The following NUP35 variants were observed in gnomAD, a reference collection of about 807,000 sequenced individuals.
NUP35 encodes nucleoporin NUP35.
In NUP35, 25 loss-of-function variants were observed where a neutral mutation model predicts 41.5. The ratio of observed to expected loss-of-function variants is 0.60; its 90% CI spans 0.44 to 0.84. NUP35 has a LOEUF of 0.84. Among genes scored for constraint, NUP35 ranks in the 40% least tolerant of loss-of-function variants. NUP35 has a pLI of 0.00. For synonymous variants in NUP35, 149 were observed against 130.7 expected (o/e 1.14, Z -0.96); for missense variants, 396 against 396.6 (o/e 1.00, Z 0.01).
chr2:183,133,638 CTTTTTTT>C lies in NUP35; in HGVS notation c.397+26_397+32del, dbSNP rs34264626. 2.2e-6 allele frequency: 3 copies of C among 1,343,506 alleles called. No individual in the cohort carries two copies. Among genetic ancestry groups the C allele is most frequent in the South Asian group, 1.4e-5 (1 of 69,598 alleles). The allele number at this position is 1,343,506 out of a possible 1,614,324, so 83.2% of individuals were successfully genotyped here. On this transcript the variant is annotated intron_variant, in intron 4 of 8. Coordinates refer to ENST00000295119, the MANE Select transcript of NUP35 (RefSeq NM_138285.5). ...TCCTGGAACAGGTAAGTGATTCTTT[CTTTTTTT>C]TTTTTTTTTTAAAAGACAGGGTCTG...
chr2:183,154,120 G>T (rs1350970375), intron 5 of NUP35, among the ~76,000 whole-genome samples: 2 of 152,162 alleles, frequency 1.3e-5, no homozygotes, highest in Admixed American at 1.3e-4. Flanking sequence ...AAGTCCCTAG[G>T]CTGCACACAG....
intron 4 of NUP35, among the ~76,000 whole-genome samples, chr2:183,135,865 G>T (rs1439823822): frequency 2.0e-5 from 3 of 149,034 alleles, no homozygotes; most frequent in African/African-American, 7.4e-5. Flanking sequence ...CCTATCTCAA[G>T]AAAAAAGTAA....
At chr2:183,153,065 G>A (rs1476616309) in intron 5 of NUP35, among the ~76,000 whole-genome samples, 2 of 152,088 alleles carry the variant, frequency 1.3e-5, no homozygotes, top group Non-Finnish European at 2.9e-5. Context: ...AAGCAAAAGC[G>A]GAAGCCCCTG....
chr2:183,148,584 A>C (rs1685359176), intron 4 of NUP35, among the ~76,000 whole-genome samples: 1 of 152,094 alleles, frequency 6.6e-6, no homozygotes, highest in Non-Finnish European at 1.5e-5. Context: ...CCTCTTAGCC[A>C]TTTGTATGTC....
intron 1 of NUP35, 41 bp downstream of exon 1, chr2:183,124,538 A>G (rs760480484): frequency 2.7e-5 from 44 of 1,612,766 alleles, no homozygotes; most frequent in Non-Finnish European, 3.7e-5. Context: ...ACTGCCATCC[A>G]TGCTCTGGGC....
intron 5 of NUP35, among the ~76,000 whole-genome samples, chr2:183,155,607 T>C (rs1359297099): frequency 6.8e-6 from 1 of 147,620 alleles, no homozygotes; most frequent in Non-Finnish European, 1.5e-5. Context: ...ACAATCTCTC[T>C]GTTATCTAGG....
chr2:183,161,239 T>C lies in NUP35; in HGVS notation c.*108T>C, dbSNP rs1685868091. 3 of 665,576 alleles carry C rather than the reference T, an allele frequency of 4.5e-6. No individual in the cohort carries two copies. Among genetic ancestry groups the C allele is most frequent in the South Asian group, 2.5e-5 (1 of 40,632 alleles). 41.2% of individuals were successfully genotyped at this position (665,576 alleles called of 1,614,324 possible). A position where few individuals can be genotyped will look rare whatever the true frequency, so the allele number is the denominator to read the frequency against. ...CCTGCAGTATTGGATAGCTATCTCA[T>C]ACTTCTTTTAGAAAGAAGCCTTTTT... On this transcript the variant is annotated 3_prime_UTR_variant, in exon 9 of 9. Coordinates refer to ENST00000295119, the MANE Select transcript of NUP35 (RefSeq NM_138285.5).
At chr2:183,120,786 G>A (rs1700056638), upstream of NUP35, among the ~76,000 whole-genome samples, 1 of 152,148 alleles carries the variant, frequency 6.6e-6, no homozygotes, top group South Asian at 2.1e-4. Context: ...AATGCACTAT[G>A]AATTCAATTT....
chr2:183,152,081 GT>G (rs2105604188), intron 5 of NUP35, among the ~76,000 whole-genome samples: 1 of 145,126 alleles, frequency 6.9e-6, no homozygotes, highest in Non-Finnish European at 1.5e-5. Context: ...GAATTCACCA[GT>G]TTTGAATTAA....
intron 1 of NUP35, chr2:183,118,688 G>C (rs1441663590): frequency 6.6e-6 from 1 of 152,180 alleles, no homozygotes; most frequent in African/African-American, 2.4e-5. Flanking sequence ...GAGAGAATCT[G>C]ACTAAGGGGC....
chr2:183,141,082 A>T (rs1685077941), intron 4 of NUP35, among the ~76,000 whole-genome samples: 1 of 151,382 alleles, frequency 6.6e-6, no homozygotes, highest in Non-Finnish European at 1.5e-5. Context: ...GGTTGATAGG[A>T]TTACCTCTGG....
chr2:183,124,175 C>T (rs2705718), upstream of NUP35, among the ~76,000 whole-genome samples: 144,861 of 152,326 alleles, frequency 0.95, 68,922 homozygotes, highest in East Asian at 1. Context: ...TTCTATGTAA[C>T]TTAAGTACCC....
At chr2:183,152,948 A>G (rs749773350) in intron 5 of NUP35, among the ~76,000 whole-genome samples, 5 of 152,256 alleles carry the variant, frequency 3.3e-5, no homozygotes, top group African/African-American at 1.2e-4. Context: ...CTGGAAAGAA[A>G]AAGAGGTTTA....
intron 2 of NUP35, among the ~76,000 whole-genome samples, chr2:183,128,774 A>ACATT (rs142639921): frequency 0.078 from 11,927 of 152,220 alleles, 546 homozygotes; most frequent in South Asian, 0.17. Context: ...CCTCATCAAT[A>ACATT]CATTAATTAA....
chr2:183,143,956 G>C (rs1326278394), intron 4 of NUP35, among the ~76,000 whole-genome samples: 1 of 152,188 alleles, frequency 6.6e-6, no homozygotes, highest in Non-Finnish European at 1.5e-5. Flanking sequence ...CCTTACTTCA[G>C]ATACTAGCTG....
At chr2:183,130,675 A>T in intron 3 of NUP35, 130 bp downstream of exon 3, 1 of 975,440 alleles carries the variant, frequency 1.0e-6, no homozygotes, top group South Asian at 1.6e-5. Context: ...CAGAATAAAC[A>T]TTAAACACAT....
At chr2:183,130,660 T>A in intron 3 of NUP35, 115 bp downstream of exon 3, 1 of 1,107,450 alleles carries the variant, frequency 9.0e-7, no homozygotes, top group Non-Finnish European at 1.3e-6. Flanking sequence ...TGTAACTGTG[T>A]TGCACAGAAT....
intron 5 of NUP35, among the ~76,000 whole-genome samples, chr2:183,155,874 C>G (rs6715963): frequency 0.18 from 26,980 of 152,096 alleles, 2,984 homozygotes; most frequent in African/African-American, 0.31. Context: ...CATTAACTCT[C>G]CCAGCTGTTT....
chr2:183,125,726 C>A (rs1483260478), intron 1 of NUP35, among the ~76,000 whole-genome samples: 11 of 152,046 alleles, frequency 7.2e-5, no homozygotes, highest in Admixed American at 7.2e-4. Context: ...TAAACCAATC[C>A]CTGTATATTG....
Sources: gnomAD v4.1 joint callset for allele counts (sites outside exome capture counted in the v4.1 genomes callset) on GRCh38, gnomAD v4.1.1 for gene constraint, MANE v1.5 for transcripts, NCBI Gene and HGNC (gene_info 2026-07-23, HGNC 2026-07-21) for gene names.